Variants in MARCHF6 observed in about 807,000 individuals in gnomAD.
MARCHF6 encodes E3 ubiquitin-protein ligase MARCHF6.
A neutral mutation model predicts 133.7 loss-of-function variants in MARCHF6; 31 were observed. The observed-to-expected ratio is 0.23, with a 90% confidence interval of 0.17 to 0.31. The LOEUF is 0.31. Among genes scored for constraint, MARCHF6 ranks in the 10% least tolerant of loss-of-function variants. The pLI, the probability that MARCHF6 is intolerant of heterozygous loss-of-function variation, is 1.00. For missense variants in MARCHF6, 723 were observed against 1,121.6 expected, an observed-to-expected ratio of 0.64 and a Z score of 5.08; for synonymous variants, 395 against 402.5, an observed-to-expected ratio of 0.98 and a Z score of 0.22.
At chr5:10,411,899 TTATAGC>T (rs1739252295) in intron 19 of MARCHF6, among the ~76,000 whole-genome samples, 1 of 152,222 alleles carries the variant, frequency 6.6e-6, no homozygotes, top group Non-Finnish European at 1.5e-5. Flanking sequence ...AATTTCATGT[TTATAGC>T]TAAGGAAACT....
intron 15 of MARCHF6, 72 bp downstream of exon 15, chr5:10,403,613 T>C: frequency 7.3e-7 from 1 of 1,370,998 alleles, no homozygotes; most frequent in East Asian, 2.4e-5. Context: ...CAGTCATGTC[T>C]CAAAGGCTAT....
intron 4 of MARCHF6, among the ~76,000 whole-genome samples, chr5:10,383,363 C>T (rs141995524): frequency 1.3e-5 from 2 of 152,176 alleles, no homozygotes; most frequent in South Asian, 2.1e-4. Context: ...TTAGATTGAA[C>T]GAGAAAGCTG....
intron 4 of MARCHF6, among the ~76,000 whole-genome samples, chr5:10,383,600 A>G (rs1338955572): frequency 6.6e-6 from 1 of 152,192 alleles, no homozygotes; most frequent in Non-Finnish European, 1.5e-5. Context: ...CCTTTCTGCA[A>G]ATTACTCTCA....
intron 1 of MARCHF6, among the ~76,000 whole-genome samples, chr5:10,376,544 A>G (rs1184621444): frequency 2.0e-5 from 3 of 152,254 alleles, no homozygotes; most frequent in Non-Finnish European, 4.4e-5. Context: ...TAGTTAATCA[A>G]TAACCAGGGA....
At chr5:10,413,104 T>G (rs1287822419) in intron 19 of MARCHF6, among the ~76,000 whole-genome samples, 1 of 152,212 alleles carries the variant, frequency 6.6e-6, no homozygotes, top group African/African-American at 2.4e-5. Context: ...TTTGTCCCCT[T>G]GAGGGGCATA....
chr5:10,375,377 C>T (rs1267147627), intron 1 of MARCHF6, among the ~76,000 whole-genome samples: 2 of 152,248 alleles, frequency 1.3e-5, no homozygotes, highest in Non-Finnish European at 1.5e-5. Context: ...TCTTGCCGGG[C>T]CTTAGCTGCC....
rs950670429 is a variant in MARCHF6, at chr5:10,436,117, T to C, written c.*2433T>C. The C allele has an allele frequency of 1.3e-5, 2 of 152,162 alleles. No individual in the cohort carries two copies. Among genetic ancestry groups the C allele is most frequent in the African/African-American group, 4.8e-5 (2 of 41,416 alleles). 9.4% of individuals were successfully genotyped at this position (152,162 alleles called of 1,614,324 possible). On this transcript the variant is annotated 3_prime_UTR_variant, in exon 26 of 26. Coordinates refer to ENST00000274140, the MANE Select transcript of MARCHF6 (RefSeq NM_005885.4). ...CTTGGTATAAAGTCATTGGAACATA[T>C]CTGTTTTAACAGCAAGAGATCCTAG...
intron 1 of MARCHF6, among the ~76,000 whole-genome samples, chr5:10,374,721 C>G (rs1389505019): frequency 6.6e-6 from 1 of 152,164 alleles, no homozygotes; most frequent in African/African-American, 2.4e-5. Context: ...TGTGTAGTTA[C>G]GAACATAAAT....
Position 10,369,071 on chromosome 5 carries a change from C to T in MARCHF6, c.20-8727C>T, listed in dbSNP as rs115724176. 1.0e-3 allele frequency among the ~76,000 whole-genome samples: 159 copies of T among 152,258 alleles called. 1 individual carries two copies. Among genetic ancestry groups the T allele is most frequent in the African/African-American group, 3.7e-3 (155 of 41,560 alleles). On this transcript the variant is annotated intron_variant, in intron 1 of 25. Transcript: ENST00000274140. ...CTCCATCCCTTACTGCATGCTTCCA[C>T]GCCCATTGAGGCAGGGAAAATGCAG... is the stretch of plus-strand genomic sequence containing the variant.
chr5:10,402,496 A>C, intron 13 of MARCHF6, 37 bp from the exon 14 acceptor site: 1 of 1,612,304 alleles, frequency 6.2e-7, no homozygotes, highest in Non-Finnish European at 8.5e-7. Context: ...TTTCTCCTAC[A>C]TTTGGGTGAT....
At chr5:10,419,246 A>G (rs747730567) in intron 22 of MARCHF6, among the ~76,000 whole-genome samples, 2 of 152,226 alleles carry the variant, frequency 1.3e-5, no homozygotes, top group Non-Finnish European at 2.9e-5. Context: ...CACTTTCAGT[A>G]TAGTATTCAG....
intron 4 of MARCHF6, among the ~76,000 whole-genome samples, chr5:10,383,992 T>G (rs1262184938): frequency 7.9e-5 from 12 of 152,178 alleles, no homozygotes; most frequent in Non-Finnish European, 1.5e-4. Context: ...TACCCAGAAC[T>G]GGACTCAAAA....
intron 12 of MARCHF6, 31 bp downstream of exon 12, chr5:10,402,170 A>G: frequency 2.2e-6 from 3 of 1,353,674 alleles, no homozygotes; most frequent in Non-Finnish European, 3.2e-6. Context: ...TTGGGTGTAC[A>G]CTAATATTAT....
chr5:10,424,744 T>C (rs1162404912), intron 23 of MARCHF6, among the ~76,000 whole-genome samples: 1 of 152,178 alleles, frequency 6.6e-6, no homozygotes, highest in Non-Finnish European at 1.5e-5. Flanking sequence ...TTGCTCGAGG[T>C]AATAAAAGAA....
rs1740618177 is a variant in MARCHF6 at position 10,435,689 on chromosome 5, ATATATATATTT to A, written c.*2007_*2017del. 1 of 6,298 alleles carries A rather than the reference ATATATATATTT, an allele frequency of 1.6e-4. No individual in the cohort carries two copies. The highest frequency in any genetic ancestry group is 2.5e-4 in the Non-Finnish European group (1 of 3,924). The allele number at this position is 6,298 out of a possible 1,614,324, so 0.4% of individuals were successfully genotyped here. On this transcript the variant is annotated 3_prime_UTR_variant, in exon 26 of 26. Coordinates refer to ENST00000274140, the MANE Select transcript of MARCHF6 (RefSeq NM_005885.4). ...TATATATATATATATATATATATATATATATATATTTTTTTTTTTTTTTTTTTTTTTTTTTT... is the reference window on the plus strand; with the variant it reads ...TATATATATATATATATATATATATATTTTTTTTTTTTTTTTTTTTTTTTT...
In MARCHF6 at chr5:10,435,666, TATATATATATATATATATATATATATA is replaced by T. The variant is rs1561159472; in HGVS notation, c.*1983_*2009del. On this transcript the variant is annotated 3_prime_UTR_variant, in exon 26 of 26. Transcript: ENST00000274140. Reference sequence around the variant, plus strand: ...ATATATATATATATATATATATATATATATATATATATATATATATATATATATATATTTTTTTTTTTTTTTTTTTTT... The same window carrying T: ...ATATATATATATATATATATATATATTATATTTTTTTTTTTTTTTTTTTTT... 4.1e-4 allele frequency: 5 copies of T among 12,090 alleles called. No homozygotes were observed. Among genetic ancestry groups the T allele is most frequent in the African/African-American group, 1.5e-3 (3 of 2,028 alleles). The allele number at this position is 12,090 out of a possible 1,614,324, so 0.7% of individuals were successfully genotyped here.
chr5:10,375,337 A>G (rs1326681667), intron 1 of MARCHF6, among the ~76,000 whole-genome samples: 1 of 152,242 alleles, frequency 6.6e-6, no homozygotes, highest in Admixed American at 6.5e-5. Context: ...GTCCCCCAGC[A>G]GTGCCGGCCC....
intron 8 of MARCHF6, among the ~76,000 whole-genome samples, chr5:10,394,510 C>T (rs114325851): frequency 5.4e-4 from 82 of 152,106 alleles, no homozygotes; most frequent in African/African-American, 1.7e-3. Context: ...AAATCCAAGA[C>T]GGAATTGTTT....
Position 10,381,793 on chromosome 5 carries a change from C to T in MARCHF6, c.191-7C>T. 1 of 1,578,374 alleles carries T rather than the reference C, an allele frequency of 6.3e-7. No individual in the cohort carries two copies. On this transcript the variant is annotated splice_region_variant and splice_polypyrimidine_tract_variant and intron_variant, in intron 3 of 25. Coordinates refer to ENST00000274140, the MANE Select transcript of MARCHF6 (RefSeq NM_005885.4). The stretch of plus-strand genomic sequence containing the variant: ...TGAAACTGTAAGTACTTTTTTTCCG[C>T]TTATAGTTTATTCTCCAGATATGCC...
Sources: allele counts gnomAD v4.1 joint callset (sites outside exome capture counted in the v4.1 genomes callset), GRCh38; gene constraint gnomAD v4.1.1; transcripts MANE v1.5; gene names NCBI Gene and HGNC (gene_info 2026-07-23, HGNC 2026-07-21).